RBFOX1: variants seen among roughly 807,000 people sequenced by gnomAD.
RBFOX1 encodes RNA binding fox-1 homolog 1.
In RBFOX1, 8 loss-of-function variants were observed where a neutral mutation model predicts 57.7. The ratio of observed to expected loss-of-function variants is 0.14; its 90% CI spans 0.08 to 0.25. The LOEUF is 0.25. Among genes scored for constraint, RBFOX1 ranks in the 10% least tolerant of loss-of-function variants. The pLI is 1.00. For missense variants in RBFOX1, 611 were observed against 548.5 expected (o/e 1.11, Z -1.14); for synonymous variants, 326 against 222.4 (o/e 1.47, Z -4.15).
intron 2 of RBFOX1, among the ~76,000 whole-genome samples, chr16:6,632,936 G>C (rs1030888719): frequency 6.6e-5 from 10 of 152,226 alleles, no homozygotes; most frequent in Admixed American, 5.9e-4. Flanking sequence ...GAAATAGGTT[G>C]AGAGCTTCCT....
At chr16:5,482,494 G>A (rs1052248144) in intron 2 of RBFOX1, among the ~76,000 whole-genome samples, 1 of 152,234 alleles carries the variant, frequency 6.6e-6, no homozygotes. Context: ...TGGTGCAGAA[G>A]TCAGCGTCTG....
intron 4 of RBFOX1, among the ~76,000 whole-genome samples, chr16:7,390,432 G>T (rs2097983005): frequency 6.6e-6 from 1 of 152,184 alleles, no homozygotes; most frequent in Non-Finnish European, 1.5e-5. Flanking sequence ...TTGGGTTTAA[G>T]TTTCAGTTGC....
intron 3 of RBFOX1, among the ~76,000 whole-genome samples, chr16:6,824,269 GTGGT>G (rs2091802824): frequency 6.6e-6 from 1 of 152,176 alleles, no homozygotes; most frequent in African/African-American, 2.4e-5. Context: ...GCCAGATGTG[GTGGT>G]TGGTACCTGT....
rs548776307 is a variant in RBFOX1, at chr16:6,365,300, G to A, written c.-64+48243G>A. On this transcript the variant is annotated intron_variant, in intron 2 of 15. Coordinates refer to ENST00000550418, the MANE Select transcript of RBFOX1 (RefSeq NM_018723.4). ...GATGAGTAGGTGGATGAATGGATGG[G>A]TGGATGGATGTTTGGATGGGTGGAT... Among the ~76,000 whole-genome samples, 135 of 151,622 alleles carry A rather than the reference G, an allele frequency of 8.9e-4. 5 individuals are homozygous for A. In the Middle Eastern group the frequency reaches 0.02, roughly 23 times the overall value.
chr16:6,633,465 A>ATTT (rs1036703384), intron 2 of RBFOX1, among the ~76,000 whole-genome samples: 1 of 151,430 alleles, frequency 6.6e-6, no homozygotes, highest in African/African-American at 2.4e-5. Context: ...TATTATTATT[A>ATTT]TTTTTTTTAG....
At chr16:6,224,127 A>T (rs7198259) in intron 1 of RBFOX1, among the ~76,000 whole-genome samples, 6,205 of 152,090 alleles carry the variant, frequency 0.041, 410 homozygotes, top group African/African-American at 0.14. Context: ...GTTTGAAGTC[A>T]GGTAGCGTGA....
At chr16:5,283,547 C>A (rs1896731213) in intron 1 of RBFOX1, among the ~76,000 whole-genome samples, 1 of 152,170 alleles carries the variant, frequency 6.6e-6, no homozygotes, top group African/African-American at 2.4e-5. Context: ...TCTCCCAAGG[C>A]CATGGGAGCC....
chr16:6,850,756 C>G (rs1412712951), intron 3 of RBFOX1, among the ~76,000 whole-genome samples: 1 of 152,164 alleles, frequency 6.6e-6, no homozygotes, highest in Admixed American at 6.5e-5. Flanking sequence ...TGTCAAAGAT[C>G]ACTCAAATAT....
At chr16:6,536,540 G>A (rs191328971) in intron 2 of RBFOX1, among the ~76,000 whole-genome samples, 26 of 144,814 alleles carry the variant, frequency 1.8e-4, no homozygotes, top group African/African-American at 5.1e-4. Context: ...ACAAAAGGAC[G>A]ATGGGGGGCC....
chr16:7,616,749 C>T (rs2058510566), intron 10 of RBFOX1, among the ~76,000 whole-genome samples: 1 of 152,092 alleles, frequency 6.6e-6, no homozygotes, highest in Non-Finnish European at 1.5e-5. Flanking sequence ...CCAGGCTGGT[C>T]TTGAACTCCT....
intron 3 of RBFOX1, among the ~76,000 whole-genome samples, chr16:6,978,374 T>C (rs181436217): frequency 6.6e-6 from 1 of 152,334 alleles, no homozygotes; most frequent in Admixed American, 6.5e-5. Context: ...TAATTACTCA[T>C]ACAGACGTCA....
intron 1 of RBFOX1, among the ~76,000 whole-genome samples, chr16:6,020,250 C>T (rs529174875): frequency 6.6e-6 from 1 of 152,168 alleles, no homozygotes; most frequent in Admixed American, 6.5e-5. Context: ...CCAGAGCGCC[C>T]CTCCGAAGCA....
At chr16:6,963,304 CTTG>C (rs954620707) in intron 3 of RBFOX1, among the ~76,000 whole-genome samples, 5 of 151,908 alleles carry the variant, frequency 3.3e-5, no homozygotes, top group East Asian at 3.9e-4. Flanking sequence ...TTTTGTTGCT[CTTG>C]TTGTTTTAAA....
At chr16:6,068,878 G>C (rs1197318078) in intron 1 of RBFOX1, among the ~76,000 whole-genome samples, 2 of 152,174 alleles carry the variant, frequency 1.3e-5, no homozygotes, top group African/African-American at 4.8e-5. Flanking sequence ...CAGTTCACCT[G>C]CATCTTATTT....
intron 1 of RBFOX1, among the ~76,000 whole-genome samples, chr16:6,109,251 G>C (rs973515653): frequency 6.6e-6 from 1 of 152,186 alleles, no homozygotes; most frequent in Non-Finnish European, 1.5e-5. Flanking sequence ...AATGCCTGCA[G>C]TGAAAAGCAT....
chr16:5,262,936 G>A (rs1567250414), intron 1 of RBFOX1, among the ~76,000 whole-genome samples: 1 of 152,198 alleles, frequency 6.6e-6, no homozygotes, highest in Non-Finnish European at 1.5e-5. Context: ...GACATGGGTT[G>A]GAGGGTAGTT....
rs367998827 is a variant in RBFOX1, at chr16:5,468,779, GC to G, written c.258+1526del. Reference sequence around the variant, plus strand: ...ACATTATGCTGTGTAGCTCCCTTTGGCTTGACCTGGATCCTCTCTGTGCTGA... The same window carrying G: ...ACATTATGCTGTGTAGCTCCCTTTGGTTGACCTGGATCCTCTCTGTGCTGA... On this transcript the variant is annotated intron_variant, in intron 2 of 2. Coordinates refer to the RBFOX1 transcript ENST00000585867. Among the ~76,000 whole-genome samples, 46 of 152,302 alleles carry G rather than the reference GC, an allele frequency of 3.0e-4. No individual in the cohort carries two copies. In the East Asian group the frequency reaches 6.2e-3, roughly 20 times the overall value.
At chr16:5,276,054 A>G (rs1436918762) in intron 1 of RBFOX1, among the ~76,000 whole-genome samples, 1 of 151,934 alleles carries the variant, frequency 6.6e-6, no homozygotes, top group Non-Finnish European at 1.5e-5. Flanking sequence ...TCAAAGACTT[A>G]AATCTAAGGT....
At chr16:7,373,007 C>T (rs981291235) in intron 4 of RBFOX1, among the ~76,000 whole-genome samples, 3 of 151,534 alleles carry the variant, frequency 2.0e-5, no homozygotes, top group Non-Finnish European at 2.9e-5. Context: ...TCTTGGCTCA[C>T]TGCAAGCTCC....
Sources: gnomAD v4.1 joint callset for allele counts (sites outside exome capture counted in the v4.1 genomes callset) on GRCh38, gnomAD v4.1.1 for gene constraint, MANE v1.5 for transcripts, NCBI Gene and HGNC (gene_info 2026-07-23, HGNC 2026-07-21) for gene names.